TRPC5: variants seen among roughly 807,000 people sequenced by gnomAD.
TRPC5 encodes short transient receptor potential channel 5.
TRPC5 carries 9 observed loss-of-function variants against 56.5 expected under a neutral mutation model. The observed-to-expected ratio is 0.16, with a 90% CI of 0.10 to 0.28. The LOEUF is 0.28. TRPC5 is among the 10% of genes least tolerant of loss of function. The pLI is 1.00. For synonymous variants in TRPC5, 282 were observed against 278.5 expected, an observed-to-expected ratio of 1.01 and a Z score of -0.13; for missense variants, 469 against 748.9, an observed-to-expected ratio of 0.63 and a Z score of 4.36.
intron 2 of TRPC5, among the ~76,000 whole-genome samples, chrX:111,950,548 A>T (rs1459315128): frequency 9.0e-6 from 1 of 111,270 alleles, no homozygotes; most frequent in African/African-American, 3.3e-5. Flanking sequence ...AAGACTACAA[A>T]TAGGCTGCAG....
At chrX:111,816,612 A>G (rs1921865942) in intron 7 of TRPC5, among the ~76,000 whole-genome samples, 1 of 112,132 alleles carries the variant, frequency 8.9e-6, no homozygotes, top group Admixed American at 9.5e-5. Flanking sequence ...GGGCTTCTTC[A>G]GTTCCCCATA....
chrX:111,773,527 T>G lies in TRPC5; in HGVS notation c.*2786A>C, dbSNP rs1945855987. Among the ~76,000 whole-genome samples, 1 of 111,854 alleles carries G rather than the reference T, an allele frequency of 8.9e-6. No homozygotes were observed. Among genetic ancestry groups the G allele is most frequent in the African/African-American group, 3.2e-5 (1 of 30,818 alleles). On this transcript the variant is annotated 3_prime_UTR_variant, in exon 11 of 11. Transcript: ENST00000262839. ...ATTTAAATATGTAAGTCTGAAGTTT[T>G]GGAGTTCACAGCATTTTTGGCAAAT...
In TRPC5 at chrX:111,853,753, T is replaced by C; in HGVS notation, c.1237+17A>G. On this transcript the variant is annotated intron_variant, in intron 4 of 10. Transcript: ENST00000262839. ...CATCAGGCAGTCTGGCCATAGGTCC[T>C]GGTCCCTTTGACTTACCTAGAACCC... 1 of 1,203,026 alleles carries C rather than the reference T, an allele frequency of 8.3e-7. No individual in the cohort carries two copies. The highest frequency in any genetic ancestry group is 1.1e-6 in the Non-Finnish European group (1 of 888,977).
At chrX:111,797,328 G>A (rs1409896798) in intron 7 of TRPC5, among the ~76,000 whole-genome samples, 3 of 111,939 alleles carry the variant, frequency 2.7e-5, no homozygotes, top group Non-Finnish European at 5.6e-5. Context: ...ATTTTCAAAG[G>A]AAACTGCACA....
chrX:111,861,051 C>G (rs1923391868), intron 3 of TRPC5, among the ~76,000 whole-genome samples: 2 of 111,788 alleles, frequency 1.8e-5, no homozygotes, highest in Admixed American at 1.9e-4. Context: ...AACCAAAAAC[C>G]ATTTATTAGC....
chrX:112,052,021 C>T (rs902957929), intron 1 of TRPC5, among the ~76,000 whole-genome samples: 9 of 111,867 alleles, frequency 8.0e-5, no homozygotes, highest in African/African-American at 2.6e-4. Flanking sequence ...TTCCACACAT[C>T]CGTCAACAAG....
chrX:111,856,538 A>AAATGATAATAATAAT (rs1556569978), intron 3 of TRPC5, among the ~76,000 whole-genome samples: 1 of 95,177 alleles, frequency 1.1e-5, no homozygotes, highest in African/African-American at 4.4e-5. Flanking sequence ...GCCCTGTCTC[A>AAATGATAATAATAAT]AATAATAATA....
At chrX:111,787,966 C>CCGAATT (rs1164270209) in intron 7 of TRPC5, among the ~76,000 whole-genome samples, 1 of 111,850 alleles carries the variant, frequency 8.9e-6, no homozygotes, top group Non-Finnish European at 1.9e-5. Flanking sequence ...GGATTTACAG[C>CCGAATT]CGAATTCTAC....
chrX:112,078,638 T>C (rs1225993143), intron 1 of TRPC5, among the ~76,000 whole-genome samples: 6 of 112,414 alleles, frequency 5.3e-5, no homozygotes, highest in Admixed American at 9.4e-5. Context: ...AACTCCAGAA[T>C]TGGTGACAGA....
intron 1 of TRPC5, among the ~76,000 whole-genome samples, chrX:112,021,265 A>G (rs1033093208): frequency 3.6e-5 from 4 of 111,465 alleles, no homozygotes; most frequent in African/African-American, 1.3e-4. Context: ...CTGGATTCAC[A>G]ATATCAAATG....
intron 7 of TRPC5, among the ~76,000 whole-genome samples, chrX:111,812,136 C>T (rs1471615698): frequency 9.2e-6 from 1 of 108,633 alleles, no homozygotes. Flanking sequence ...TTAATCCCTA[C>T]GTGAGTTTAG....
At chrX:111,828,933 T>G (rs1042546006) in intron 7 of TRPC5, among the ~76,000 whole-genome samples, 1 of 111,536 alleles carries the variant, frequency 9.0e-6, no homozygotes, top group Non-Finnish European at 1.9e-5. Flanking sequence ...CTGTGGAACT[T>G]TGAACTTGAG....
intron 7 of TRPC5, among the ~76,000 whole-genome samples, chrX:111,805,602 G>T (rs931544439): frequency 2.7e-5 from 3 of 111,757 alleles, no homozygotes; most frequent in African/African-American, 9.8e-5. Context: ...TTAGCCAATT[G>T]TTTTGGAAAT....
intron 5 of TRPC5, among the ~76,000 whole-genome samples, chrX:111,851,405 C>A (rs757504521): frequency 9.0e-6 from 1 of 111,186 alleles, no homozygotes; most frequent in Admixed American, 9.6e-5. Flanking sequence ...TTAATAAGCA[C>A]CAGACCTGAA....
intron 3 of TRPC5, among the ~76,000 whole-genome samples, chrX:111,906,772 G>A (rs1260667002): frequency 1.8e-5 from 2 of 111,114 alleles, no homozygotes; most frequent in African/African-American, 3.3e-5. Context: ...ATTTGTACTG[G>A]GTATTTCTTC....
In TRPC5 at chrX:111,769,530, G is replaced by A. The variant is rs754267870; in HGVS notation, c.*6783C>T. 1.8e-5 allele frequency among the ~76,000 whole-genome samples: 2 copies of A among 111,391 alleles called. No homozygotes were observed. Among genetic ancestry groups the A allele is most frequent in the African/African-American group, 3.3e-5 (1 of 30,632 alleles). ...GGGTGATGGAGATATTCTATAACTT[G>A]ATTTTGGCTGGTGCTTCCAGGGGTA... On this transcript the variant is annotated 3_prime_UTR_variant, in exon 11 of 11. Coordinates refer to ENST00000262839, the MANE Select transcript of TRPC5 (RefSeq NM_012471.3).
chrX:111,995,730 T>C (rs1312044241), intron 1 of TRPC5, among the ~76,000 whole-genome samples: 1 of 111,965 alleles, frequency 8.9e-6, no homozygotes, highest in African/African-American at 3.2e-5. Context: ...CCATTTCTTC[T>C]AGATTTTCTA....
chrX:111,993,851 G>A (rs748667812), intron 1 of TRPC5, among the ~76,000 whole-genome samples: 138 of 111,566 alleles, frequency 1.2e-3, no homozygotes, highest in Non-Finnish European at 2.1e-3. Flanking sequence ...ATTCTGTGCC[G>A]TGCCTGTTCA....
intron 2 of TRPC5, among the ~76,000 whole-genome samples, chrX:111,920,587 TCTG>T (rs1926102045): frequency 9.0e-6 from 1 of 110,812 alleles, no homozygotes; most frequent in South Asian, 3.9e-4. Flanking sequence ...AGGTGACTGG[TCTG>T]CTATTCTTTG....
Sources: gnomAD v4.1 joint callset for allele counts (sites outside exome capture counted in the v4.1 genomes callset) on GRCh38, gnomAD v4.1.1 for gene constraint, MANE v1.5 for transcripts, NCBI Gene and HGNC (gene_info 2026-07-23, HGNC 2026-07-21) for gene names.